Variants in CREBBP observed in about 807,000 individuals in gnomAD.
CREBBP encodes the protein CREB-binding protein.
In CREBBP, 19 loss-of-function variants were observed where a neutral mutation model predicts 265.0. The observed-to-expected ratio is 0.07, with a 90% CI of 0.05 to 0.11. CREBBP has a LOEUF of 0.11. Ranked by LOEUF, CREBBP falls within the 10% of genes least tolerant of loss-of-function variation. The pLI, the probability that CREBBP is intolerant of heterozygous loss-of-function variation, is 1.00. For missense variants in CREBBP, 2,525 were observed against 3,219.0 expected, an observed-to-expected ratio of 0.78 and a Z score of 5.22; for synonymous variants, 1,457 against 1,223.7, an observed-to-expected ratio of 1.19 and a Z score of -3.98.
chr16:3,835,512 A>T (rs1045211090), intron 2 of CREBBP, among the ~76,000 whole-genome samples: 1 of 152,034 alleles, frequency 6.6e-6, no homozygotes, highest in Non-Finnish European at 1.5e-5. Context: ...TATTTATCTA[A>T]GAGAAATGAA....
chr16:3,879,796 GC>G (rs2055487360), intron 1 of CREBBP, 35 bp downstream of exon 1: 3 of 1,546,568 alleles, frequency 1.9e-6, no homozygotes, highest in Non-Finnish European at 1.7e-6. Flanking sequence ...GTGACAGCGC[GC>G]CCCGGGCCCC....
rs867649786 is a variant in CREBBP at position 3,877,190 on chromosome 16, C to T, written c.85+2642G>A. ...CCTGCTCCACTAGGCCCAATTTTCC[C>T]CTGGGAGCCTCAGAGACACATCCCG... On this transcript the variant is annotated intron_variant, in intron 1 of 30. Transcript: ENST00000262367. Among the ~76,000 whole-genome samples the T allele has an allele frequency of 2.5e-4, 38 of 152,228 alleles. 1 individual carries two copies. The highest frequency in any genetic ancestry group is 6.8e-3 in the Middle Eastern group (2 of 294).
chr16:3,874,110 C>A (rs2141595166), intron 1 of CREBBP, among the ~76,000 whole-genome samples: 1 of 152,194 alleles, frequency 6.6e-6, no homozygotes, highest in South Asian at 2.1e-4. Flanking sequence ...CTGGGGTCAA[C>A]AAAAAGCAAA....
At position 3,849,438 on chromosome 16, in the gene CREBBP, T is replaced by TGTGTG. The variant is rs1567360399; in HGVS notation, c.798+854_798+858dup. On this transcript the variant is annotated intron_variant, in intron 2 of 30. Coordinates refer to ENST00000262367, the MANE Select transcript of CREBBP (RefSeq NM_004380.3). The stretch of plus-strand genomic sequence containing the variant: ...GTGTGTGTGTGTGTGTGTGTGTGTG[T>TGTGTG]GTGTGTGTGTGTGTGTGTGTGTGTG... Among the ~76,000 whole-genome samples the TGTGTG allele has an allele frequency of 4.4e-3, 56 of 12,782 alleles. 2 individuals carry two copies. The highest frequency in any genetic ancestry group is 0.015 in the Non-Finnish European group (29 of 1,986). 8.4% of individuals were successfully genotyped at this position (12,782 alleles called of 152,430 possible).
At chr16:3,766,744 T>C (rs895249590) in intron 16 of CREBBP, among the ~76,000 whole-genome samples, 8 of 152,230 alleles carry the variant, frequency 5.3e-5, no homozygotes, top group Middle Eastern at 3.4e-3. Context: ...TCAGGCTGGT[T>C]TTGAACTCCC....
chr16:3,873,565 C>T (rs918292469), intron 1 of CREBBP, among the ~76,000 whole-genome samples: 2 of 152,228 alleles, frequency 1.3e-5, no homozygotes, highest in African/African-American at 2.4e-5. Flanking sequence ...GGTACGACAA[C>T]GTCCCTGGTT....
intron 5 of CREBBP, among the ~76,000 whole-genome samples, chr16:3,786,723 G>T (rs901138438): frequency 6.6e-6 from 1 of 152,010 alleles, no homozygotes; most frequent in African/African-American, 2.4e-5. Flanking sequence ...GTATACCTGG[G>T]GTGTCCTGGA....
Position 3,728,135 on chromosome 16 carries a change from C to A in CREBBP, c.6912G>T (p.Gln2304His). 1 of 1,614,174 alleles carries A rather than the reference C, an allele frequency of 6.2e-7. No homozygotes were observed. Among genetic ancestry groups the A allele is most frequent in the Non-Finnish European group, 8.5e-7 (1 of 1,180,034 alleles). ...RILQQQQMKQ[Q>H]IGSPGQPNPM... is the part of the protein sequence containing the mutation. Reference sequence around the variant, plus strand: ...GGTTCGGCTGGCCTGGGGACCCAATCTGCTGCTTCATCTGCTGTTGCTGCA... The same window carrying A: ...GGTTCGGCTGGCCTGGGGACCCAATATGCTGCTTCATCTGCTGTTGCTGCA... Residue 2304 changes from glutamine (Q) to histidine (H), a missense_variant, in exon 31 of 31, where the codon CAG (glutamine) becomes CAT (histidine). Gln to His is a conservative substitution (Grantham distance 24). Coordinates refer to ENST00000262367, the MANE Select transcript of CREBBP (RefSeq NM_004380.3). This position sits in a 1 kb window ranked among gnomAD's most constrained non-coding sequence, Gnocchi z 8.7.
chr16:3,747,185 A>G (rs2052362037), intron 21 of CREBBP, among the ~76,000 whole-genome samples: 1 of 152,032 alleles, frequency 6.6e-6, no homozygotes, highest in African/African-American at 2.4e-5. Flanking sequence ...TCTACTACAG[A>G]ACAATGTCTT....
At chr16:3,740,642 G>A (rs2052180922) in intron 23 of CREBBP, 93 bp from the exon 24 acceptor site, 2 of 1,426,194 alleles carry the variant, frequency 1.4e-6, no homozygotes, top group Non-Finnish European at 2.0e-6. Flanking sequence ...TTGCAGCACA[G>A]GCTGATATTT....
At position 3,791,719 on chromosome 16, in the gene CREBBP, C is replaced by A. The variant is rs150445523; in HGVS notation, c.1330+262G>T. ...AACAAAGTGACTCTGCTGTTCCATG[C>A]TGCTTCAAGTGCATGTATGCAGGGG... On this transcript the variant is annotated intron_variant, in intron 5 of 30. Transcript: ENST00000262367. Among the ~76,000 whole-genome samples the A allele has an allele frequency of 7.9e-4, 121 of 152,290 alleles. 1 individual carries two copies. The highest frequency in any genetic ancestry group is 3.4e-3 in the Middle Eastern group (1 of 294).
At chr16:3,770,488 G>A (rs555185610) in intron 14 of CREBBP, 82 bp downstream of exon 14, 32 of 1,492,578 alleles carry the variant, frequency 2.1e-5, no homozygotes, top group Middle Eastern at 2.3e-4. Context: ...GAACCACCGC[G>A]CCTGGCCTGA....
intron 13 of CREBBP, among the ~76,000 whole-genome samples, chr16:3,772,402 G>C (rs1034860261): frequency 6.6e-6 from 1 of 150,892 alleles, no homozygotes; most frequent in Non-Finnish European, 1.5e-5. Flanking sequence ...CAGTGCAGTG[G>C]TTCTATACTG....
chr16:3,782,022 A>C lies in CREBBP; in HGVS notation c.1573+662T>G, dbSNP rs58930064. On this transcript the variant is annotated intron_variant, in intron 6 of 30. Transcript: ENST00000262367. Reference sequence around the variant, plus strand: ...GGGAAAGAACAAAACTAGCACAACTAGTCAGCCAGTCTTGACTTCACAGAC... The same window carrying C: ...GGGAAAGAACAAAACTAGCACAACTCGTCAGCCAGTCTTGACTTCACAGAC... Among the ~76,000 whole-genome samples the C allele has an allele frequency of 3.8e-3, 572 of 152,376 alleles. 4 individuals carry two copies. Among genetic ancestry groups the C allele is most frequent in the African/African-American group, 0.013 (523 of 41,584 alleles).
chr16:3,877,888 C>A (rs1348568982), intron 1 of CREBBP, among the ~76,000 whole-genome samples: 1 of 152,124 alleles, frequency 6.6e-6, no homozygotes, highest in Non-Finnish European at 1.5e-5. Context: ...CGAAAGAGCC[C>A]CTGTGCCTTA....
At position 3,731,812 on chromosome 16, in the gene CREBBP, G is replaced by C. The variant is rs2151318971; in HGVS notation, c.4854C>G (p.Ser1618=). The change falls in exon 29 of 31, where the codon TCC becomes TCG. Residue 1618 remains serine, a synonymous_variant. Transcript: ENST00000262367. The surrounding 1 kb of genome is among the most constrained non-coding windows in gnomAD (Gnocchi z 7.7). Reference sequence around the variant, plus strand: ...TCTCCATGGTGGCATACAGCTTCTGGGACAGGTCATTGGACACGTTGGGCA... The same window carrying C: ...TCTCCATGGTGGCATACAGCTTCTGCGACAGGTCATTGGACACGTTGGGCA... ...PSMPNVSNDL[S]QKLYATMEKH... is the part of the protein sequence containing the mutation. 1 of 1,614,266 alleles carries C rather than the reference G, an allele frequency of 6.2e-7. No individual in the cohort carries two copies. The highest frequency in any genetic ancestry group is 1.3e-5 in the African/African-American group (1 of 75,074).
chr16:3,850,179 C>A, intron 2 of CREBBP, 118 bp downstream of exon 2: 1 of 933,414 alleles, frequency 1.1e-6, no homozygotes, highest in Non-Finnish European at 1.8e-6. Context: ...GCATGAGTGG[C>A]ACGTGGAGAG....
chr16:3,843,794 TC>T (rs2054611076), intron 2 of CREBBP, among the ~76,000 whole-genome samples: 1 of 152,128 alleles, frequency 6.6e-6, no homozygotes, highest in Non-Finnish European at 1.5e-5. Context: ...GGGTGAAGTC[TC>T]TCAATTCTTC....
chr16:3,730,974 C>T (rs893210738), intron 30 of CREBBP, among the ~76,000 whole-genome samples: 1 of 152,214 alleles, frequency 6.6e-6, no homozygotes, highest in Non-Finnish European at 1.5e-5. Flanking sequence ...TCCCTCTGGC[C>T]GTCCCCAGGG....
Sources: allele counts gnomAD v4.1 joint callset (sites outside exome capture counted in the v4.1 genomes callset), GRCh38; gene constraint gnomAD v4.1.1; non-coding constraint Gnocchi (gnomAD v3.1); transcripts MANE v1.5; gene names NCBI Gene and HGNC (gene_info 2026-07-23, HGNC 2026-07-21).